The following GHR variants were observed in gnomAD, a reference collection of about 807,000 sequenced individuals.
GHR encodes the protein growth hormone receptor, also known as GH receptor.
In GHR, 35 loss-of-function variants were observed where a neutral mutation model predicts 67.1. The observed-to-expected ratio is 0.52, with a 90% CI of 0.40 to 0.69. GHR has a LOEUF of 0.69. Among genes scored for constraint, GHR ranks in the 30% least tolerant of loss-of-function variants. GHR has a pLI of 0.00. For synonymous variants in GHR, 272 were observed against 269.1 expected, an observed-to-expected ratio of 1.01 and a Z score of -0.10; for missense variants, 792 against 764.6, an observed-to-expected ratio of 1.04 and a Z score of -0.42.
intron 2 of GHR, among the ~76,000 whole-genome samples, chr5:42,590,631 C>T (rs1227120193): frequency 6.6e-6 from 1 of 152,222 alleles, no homozygotes; most frequent in African/African-American, 2.4e-5. Context: ...TGTTCTATTA[C>T]AACCAGTTAT....
intron 1 of GHR, among the ~76,000 whole-genome samples, chr5:42,500,122 C>G (rs1202493472): frequency 1.3e-5 from 2 of 152,218 alleles, no homozygotes; most frequent in East Asian, 3.8e-4. Context: ...AGCAGCCCTT[C>G]CTTCATGGCA....
chr5:42,488,161 A>G (rs1430687612), intron 1 of GHR, among the ~76,000 whole-genome samples: 2 of 152,206 alleles, frequency 1.3e-5, no homozygotes, highest in South Asian at 2.1e-4. Context: ...TAAAACTTTT[A>G]TGAACTCTGA....
At chr5:42,674,297 C>G (rs978220389) in intron 3 of GHR, among the ~76,000 whole-genome samples, 1 of 152,064 alleles carries the variant, frequency 6.6e-6, no homozygotes, top group Non-Finnish European at 1.5e-5. Context: ...TATATTTTGT[C>G]AATTTTAGTG....
intron 3 of GHR, among the ~76,000 whole-genome samples, chr5:42,680,233 T>C (rs1445869738): frequency 6.6e-6 from 1 of 152,212 alleles, no homozygotes; most frequent in African/African-American, 2.4e-5. Flanking sequence ...TCAGAACATA[T>C]GAAAGTGATT....
intron 1 of GHR, among the ~76,000 whole-genome samples, chr5:42,556,988 T>C (rs1335515302): frequency 6.6e-6 from 1 of 152,234 alleles, no homozygotes; most frequent in African/African-American, 2.4e-5. Context: ...AGAAAAGTTC[T>C]AACTTCAAGC....
intron 1 of GHR, chr5:42,465,818 C>A: frequency 1.3e-6 from 1 of 777,110 alleles, no homozygotes; most frequent in Non-Finnish European, 2.4e-6. Context: ...TCCAAGACCA[C>A]CATGACCTTG....
intron 1 of GHR, among the ~76,000 whole-genome samples, chr5:42,487,512 A>G (rs953826421): frequency 6.6e-6 from 1 of 152,210 alleles, no homozygotes; most frequent in Admixed American, 6.5e-5. Context: ...ATGAATAGAG[A>G]TCATGAAATA....
intron 2 of GHR, among the ~76,000 whole-genome samples, chr5:42,595,959 C>T (rs947135616): frequency 6.6e-6 from 1 of 152,174 alleles, no homozygotes; most frequent in African/African-American, 2.4e-5. Flanking sequence ...GTGGAGTAAC[C>T]ATTTCCAATT....
intron 2 of GHR, among the ~76,000 whole-genome samples, chr5:42,622,484 A>G (rs1296550871): frequency 6.6e-6 from 1 of 152,170 alleles, no homozygotes; most frequent in Non-Finnish European, 1.5e-5. Context: ...ATGGAAGGGC[A>G]AGGTAAGCAT....
chr5:42,665,609 G>A (rs980490816), intron 3 of GHR, among the ~76,000 whole-genome samples: 1 of 152,028 alleles, frequency 6.6e-6, no homozygotes, highest in Admixed American at 6.5e-5. Context: ...GGGTGGAGGA[G>A]GGGGAAGGGA....
At chr5:42,599,236 A>ATG (rs1752236884) in intron 2 of GHR, among the ~76,000 whole-genome samples, 1 of 152,188 alleles carries the variant, frequency 6.6e-6, no homozygotes, top group African/African-American at 2.4e-5. Context: ...AAGTTTCCAA[A>ATG]TGTCCTTCTG....
At chr5:42,631,484 T>C (rs1361829385) in intron 3 of GHR, among the ~76,000 whole-genome samples, 3 of 152,182 alleles carry the variant, frequency 2.0e-5, no homozygotes, top group African/African-American at 7.2e-5. Context: ...TGTGACAGAC[T>C]CAAGTGCTCA....
chr5:42,713,328 T>C (rs557411046), intron 7 of GHR, 101 bp from the exon 8 acceptor site: 3 of 724,958 alleles, frequency 4.1e-6, no homozygotes, highest in Admixed American at 3.7e-5. Context: ...CTTTATTAGA[T>C]GAATACAAAT....
chr5:42,569,396 T>C (rs1409746971), intron 2 of GHR, among the ~76,000 whole-genome samples: 1 of 152,152 alleles, frequency 6.6e-6, no homozygotes, highest in Non-Finnish European at 1.5e-5. Context: ...GGAAGCAAAC[T>C]TAGGTCAGTA....
rs142206452 is a variant in GHR, at chr5:42,645,239, C to T, written c.136+16136C>T. On this transcript the variant is annotated intron_variant, in intron 3 of 9. Transcript: ENST00000230882. Reference sequence around the variant, plus strand: ...CAAGGTCATTCTTGAAATCAATCAACGTGGGCTGAAGATCTCATTGCTTCT... The same window carrying T: ...CAAGGTCATTCTTGAAATCAATCAATGTGGGCTGAAGATCTCATTGCTTCT... 6.3e-4 allele frequency among the ~76,000 whole-genome samples: 96 copies of T among 152,256 alleles called. 1 individual carries two copies. The highest frequency in any genetic ancestry group is 5.8e-4 in the East Asian group (3 of 5,182).
chr5:42,556,219 G>A (rs1409644797), intron 1 of GHR, among the ~76,000 whole-genome samples: 5 of 152,112 alleles, frequency 3.3e-5, no homozygotes, highest in Admixed American at 2.0e-4. Flanking sequence ...CTCCAAAGAA[G>A]GCAGGAATAC....
chr5:42,461,595 T>C (rs551031152), intron 1 of GHR, among the ~76,000 whole-genome samples: 3 of 152,208 alleles, frequency 2.0e-5, no homozygotes. Context: ...CATAGCACCA[T>C]GAATGTCTCC....
intron 1 of GHR, among the ~76,000 whole-genome samples, chr5:42,454,169 A>T (rs556461217): frequency 6.6e-6 from 1 of 152,172 alleles, no homozygotes; most frequent in South Asian, 2.1e-4. Context: ...TCTCCTAGCC[A>T]TGTATACCAG....
At chr5:42,559,256 C>G (rs1050743978) in intron 1 of GHR, among the ~76,000 whole-genome samples, 2 of 152,024 alleles carry the variant, frequency 1.3e-5, no homozygotes, top group Non-Finnish European at 2.9e-5. Context: ...AATTGGAAAC[C>G]TAGGCTGGAT....
Sources: gnomAD v4.1 joint callset for allele counts (sites outside exome capture counted in the v4.1 genomes callset) on GRCh38, gnomAD v4.1.1 for gene constraint, MANE v1.5 for transcripts, NCBI Gene and HGNC (gene_info 2026-07-23, HGNC 2026-07-21) for gene names.